The following RPS13 variants were observed in gnomAD, a reference collection of about 807,000 sequenced individuals.
The protein encoded by RPS13 is ribosomal protein S13, also known as small ribosomal subunit protein uS15.
Under a neutral mutation model 24.6 loss-of-function variants are expected in RPS13, and 1 was observed. The ratio of observed to expected loss-of-function variants is 0.04; its 90% CI spans 0.01 to 0.19. The LOEUF (loss-of-function observed/expected upper bound fraction) is 0.19. Among genes scored for constraint, RPS13 ranks in the 10% least tolerant of loss-of-function variants. The pLI is 1.00. For synonymous variants in RPS13, 69 were observed against 65.3 expected (o/e 1.06, Z -0.27); for missense variants, 88 against 187.4 (o/e 0.47, Z 3.10).
At chr11:17,074,990 G>A (rs143852265) in intron 5 of RPS13, 107 bp downstream of exon 5, 20 of 772,536 alleles carry the variant, frequency 2.6e-5, no homozygotes, top group African/African-American at 2.4e-4. Flanking sequence ...CCCCAAGGCT[G>A]AACATATTTA....
Position 17,077,485 on chromosome 11 carries a change from G to A in RPS13, c.24-8C>T, listed in dbSNP as rs1848038478. The A allele has an allele frequency of 1.2e-6, 2 of 1,613,946 alleles. No individual in the cohort carries two copies. Among genetic ancestry groups the A allele is most frequent in the African/African-American group, 1.3e-5 (1 of 74,914 alleles). On this transcript the variant is annotated splice_region_variant and splice_polypyrimidine_tract_variant and intron_variant, in intron 1 of 5. Transcript: ENST00000525634. ...GACTGGGACAGGCCCTTCCTGGGGA[G>A]AGAAGCAGTCTCGAGGTGAGGTGGC...
chr11:17,075,678 G>A, intron 3 of RPS13, 55 bp from the exon 4 acceptor site: 3 of 1,392,662 alleles, frequency 2.2e-6, no homozygotes, highest in East Asian at 2.3e-5. Context: ...TGGAGAATGT[G>A]ATGATGTCAA....
rs1255127819 is a variant in RPS13 at position 17,074,426 on chromosome 11, G to A, written c.*7C>T. 6.2e-7 allele frequency: 1 copy of A among 1,607,482 alleles called. No individual in the cohort carries two copies. ...AATCATTTTATTGCTTGAGTACACAGACAAATTTATGCGACCAGGGCAGAG... is the reference window on the plus strand; with the variant it reads ...AATCATTTTATTGCTTGAGTACACAAACAAATTTATGCGACCAGGGCAGAG... On this transcript the variant is annotated 3_prime_UTR_variant, in exon 6 of 6. Transcript: ENST00000525634.
intron 3 of RPS13, chr11:17,076,618 G>A: frequency 5.2e-6 from 2 of 381,162 alleles, no homozygotes; most frequent in Admixed American, 3.5e-5. Context: ...CTTCATCATA[G>A]CTCACTGCAG....
At chr11:17,075,873 G>A in intron 3 of RPS13, 1 of 612,418 alleles carries the variant, frequency 1.6e-6, no homozygotes, top group Non-Finnish European at 3.0e-6. Flanking sequence ...CAGTGAGCTT[G>A]CTGGAATACA....
chr11:17,076,488 G>T (rs1384230219), intron 3 of RPS13: 7 of 357,454 alleles, frequency 2.0e-5, no homozygotes, highest in Admixed American at 3.7e-5. Context: ...TCCAGGAGGT[G>T]GAGGTTGCAG....
chr11:17,075,333 G>C, intron 4 of RPS13, 121 bp downstream of exon 4: 1 of 987,826 alleles, frequency 1.0e-6, no homozygotes, highest in Non-Finnish European at 1.5e-6. Flanking sequence ...GAACTTCAAA[G>C]CAGCACTACA....
Position 17,075,542 on chromosome 11 carries a change from T to C in RPS13, c.233A>G (p.Lys78Arg), listed in dbSNP as rs150106605. ...GNKILRILKS[K>R]GLAPDLPEDL... is the part of the protein sequence containing the mutation. The stretch of plus-strand genomic sequence containing the variant: ...TTCAGGAAGATCAGGAGCAAGTCCC[T>C]TAGACTTAAGAATTCTTAAAATTTT... The change falls in exon 4 of 6, where the codon AAG (lysine) becomes AGG (arginine). Residue 78 changes from lysine (K) to arginine (R), a missense_variant. Lys to Arg is a conservative substitution (Grantham distance 26). Transcript: ENST00000525634. 53 of 1,608,026 alleles carry C rather than the reference T, an allele frequency of 3.3e-5. No individual in the cohort carries two copies. Among genetic ancestry groups the C allele is most frequent in the Middle Eastern group, 3.3e-4 (2 of 6,038 alleles).
chr11:17,076,534 C>G (rs764482251), intron 3 of RPS13: 24 of 379,492 alleles, frequency 6.3e-5, no homozygotes, highest in South Asian at 4.5e-4. Context: ...CCAGACTGGG[C>G]GACAAGAGCA....
intron 5 of RPS13, chr11:17,074,714 G>A: frequency 2.9e-6 from 2 of 687,896 alleles, no homozygotes; most frequent in Admixed American, 2.0e-5. Context: ...GGTGGAAACT[G>A]CGAATGTCTG....
At position 17,074,428 on chromosome 11, in the gene RPS13, C is replaced by A. The variant is rs778226926; in HGVS notation, c.*5G>T. 4.4e-6 allele frequency: 7 copies of A among 1,609,004 alleles called. No homozygotes were observed. The highest frequency in any genetic ancestry group is 1.7e-4 in the Middle Eastern group (1 of 6,054). On this transcript the variant is annotated 3_prime_UTR_variant, in exon 6 of 6. Coordinates refer to ENST00000525634, the MANE Select transcript of RPS13 (RefSeq NM_001017.3). ...TCATTTTATTGCTTGAGTACACAGA[C>A]AAATTTATGCGACCAGGGCAGAGGC...
chr11:17,077,271 T>C (rs1422804649), intron 2 of RPS13, 25 bp from the exon 3 acceptor site: 1 of 1,606,838 alleles, frequency 6.2e-7, no homozygotes, highest in East Asian at 2.2e-5. Flanking sequence ...AAAGCAGCCT[T>C]AGGATGAGAA....
chr11:17,077,624 A>T lies in RPS13; in HGVS notation c.18T>A (p.Ala6=). MGRMH[A]PGKGLSQSAL... is the part of the protein sequence containing the mutation. Reference sequence around the variant, plus strand: ...GCTTGATGCCCCGAGCTCACCCGGGAGCATGCATGCGACCCATGATGGCGG... The same window carrying T: ...GCTTGATGCCCCGAGCTCACCCGGGTGCATGCATGCGACCCATGATGGCGG... The change falls in exon 1 of 6, where the codon GCT becomes GCA. Residue 6 remains alanine, a synonymous_variant. Transcript: ENST00000525634. 3 of 1,527,878 alleles carry T rather than the reference A, an allele frequency of 2.0e-6. No homozygotes were observed. Among genetic ancestry groups the T allele is most frequent in the South Asian group, 2.2e-5 (2 of 89,754 alleles). 94.6% of individuals were successfully genotyped at this position (1,527,878 alleles called of 1,614,324 possible).
In RPS13 at chr11:17,077,662, G is replaced by A. The variant is rs1338801374; in HGVS notation, c.-21C>T. ...CCCATGATGGCGGCGATCAGGCAAC[G>A]AAAGGAGAGCGAGAGTGGAAACGCC... On this transcript the variant is annotated 5_prime_UTR_variant, in exon 1 of 6. Transcript: ENST00000525634. 1.8e-5 allele frequency: 29 copies of A among 1,613,068 alleles called. No homozygotes were observed. In the Admixed American group the frequency reaches 3.3e-4, roughly 19 times the overall value.
At chr11:17,076,815 C>A in intron 3 of RPS13, 2 of 376,402 alleles carry the variant, frequency 5.3e-6, no homozygotes, top group Non-Finnish European at 9.9e-6. Flanking sequence ...CGAAGTCACA[C>A]GCAGCTGAGA....
At chr11:17,075,069 TAAC>T in intron 5 of RPS13, 25 bp downstream of exon 5, 4 of 1,482,658 alleles carry the variant, frequency 2.7e-6, no homozygotes, top group East Asian at 2.3e-5. Context: ...CTATTCTTGA[TAAC>T]AACGACAAAA....
intron 5 of RPS13, chr11:17,074,858 G>A (rs1848002291): frequency 4.8e-6 from 3 of 621,538 alleles, no homozygotes; most frequent in African/African-American, 1.8e-5. Flanking sequence ...TCTGGGGTCT[G>A]CAACTATGGC....
intron 5 of RPS13, 23 bp from the exon 6 acceptor site, chr11:17,074,489 GA>G: frequency 6.9e-6 from 11 of 1,599,446 alleles, no homozygotes; most frequent in Non-Finnish European, 9.4e-6. Context: ...AAAGGGGAAA[GA>G]AAGAAAATCA....
intron 3 of RPS13, chr11:17,076,153 C>T (rs1020308139): frequency 1.3e-5 from 3 of 222,994 alleles, no homozygotes; most frequent in South Asian, 9.7e-5. Context: ...TTTGGGAGGC[C>T]GAGGCAGTGG....
Sources: gnomAD v4.1 joint callset for allele counts on GRCh38, gnomAD v4.1.1 for gene constraint, MANE v1.5 for transcripts, NCBI Gene and HGNC (gene_info 2026-07-23, HGNC 2026-07-21) for gene names.